ROBO2: variants seen among roughly 807,000 people sequenced by gnomAD.
The protein encoded by ROBO2 is roundabout guidance receptor 2.
ROBO2 carries 53 observed loss-of-function variants against 160.8 expected under a neutral mutation model. The observed-to-expected ratio is 0.33, with a 90% CI of 0.26 to 0.41. ROBO2 has a LOEUF of 0.41. Among genes scored for constraint, ROBO2 ranks in the 10% least tolerant of loss-of-function variants. ROBO2 has a pLI of 1.00. For missense variants in ROBO2, 1,577 were observed against 1,722.4 expected (o/e 0.92, Z 1.49); for synonymous variants, 664 against 611.7 (o/e 1.09, Z -1.26).
intron 23 of ROBO2, among the ~76,000 whole-genome samples, chr3:77,623,781 CA>C (rs1457498537): frequency 6.6e-6 from 1 of 152,106 alleles, no homozygotes; most frequent in Non-Finnish European, 1.5e-5. Flanking sequence ...CATATTTTTG[CA>C]TATTTCACTA....
intron 2 of ROBO2, among the ~76,000 whole-genome samples, chr3:77,173,765 T>G (rs2079866219): frequency 6.6e-6 from 1 of 152,128 alleles, no homozygotes; most frequent in South Asian, 2.1e-4. Flanking sequence ...ATCTTGTTTC[T>G]GAAAATGTTA....
At chr3:76,949,356 C>T (rs1426531931) in intron 2 of ROBO2, among the ~76,000 whole-genome samples, 3 of 152,122 alleles carry the variant, frequency 2.0e-5, no homozygotes, top group Non-Finnish European at 4.4e-5. Flanking sequence ...CCCATGCGGA[C>T]TGTGTCAACA....
At chr3:76,603,754 G>A (rs2108990059) in intron 2 of ROBO2, among the ~76,000 whole-genome samples, 1 of 152,144 alleles carries the variant, frequency 6.6e-6, no homozygotes, top group South Asian at 2.1e-4. Context: ...CATGTCTAGA[G>A]AGGAATAACA....
intron 1 of ROBO2, among the ~76,000 whole-genome samples, chr3:77,079,532 G>C (rs1313762478): frequency 6.6e-6 from 1 of 152,164 alleles, no homozygotes; most frequent in Non-Finnish European, 1.5e-5. Context: ...AAACTTTTAA[G>C]TATAATCAAG....
chr3:76,697,746 C>T (rs1181658929), intron 2 of ROBO2, among the ~76,000 whole-genome samples: 2 of 151,846 alleles, frequency 1.3e-5, no homozygotes, highest in East Asian at 1.9e-4. Flanking sequence ...TCTTTTTTGC[C>T]TACAAAATGT....
chr3:76,647,401 A>C (rs2091027215), intron 2 of ROBO2, among the ~76,000 whole-genome samples: 1 of 152,310 alleles, frequency 6.6e-6, no homozygotes, highest in South Asian at 2.1e-4. Flanking sequence ...GGAGAGGACA[A>C]AGCAGAAACG....
At chr3:77,079,178 C>T (rs775280352) in intron 1 of ROBO2, among the ~76,000 whole-genome samples, 2 of 152,142 alleles carry the variant, frequency 1.3e-5, no homozygotes, top group Non-Finnish European at 2.9e-5. Context: ...AACTCCTGAC[C>T]TCAGGTGATC....
intron 2 of ROBO2, among the ~76,000 whole-genome samples, chr3:76,815,812 C>T (rs1241631745): frequency 6.6e-6 from 1 of 152,022 alleles, no homozygotes; most frequent in Admixed American, 6.6e-5. Context: ...GTCCATTGTT[C>T]CCTTTCCTCA....
At chr3:76,664,624 A>T (rs1163215649) in intron 2 of ROBO2, among the ~76,000 whole-genome samples, 3 of 152,180 alleles carry the variant, frequency 2.0e-5, no homozygotes, top group African/African-American at 7.2e-5. Context: ...TAAGAATTTT[A>T]AAAAGCTATG....
intron 2 of ROBO2, among the ~76,000 whole-genome samples, chr3:75,998,835 C>T (rs747347500): frequency 1.3e-4 from 20 of 152,232 alleles, no homozygotes; most frequent in Non-Finnish European, 5.9e-5. Context: ...AATGAATTCT[C>T]TCTTAGCCTC....
At chr3:77,365,815 C>T (rs1033839672) in intron 2 of ROBO2, among the ~76,000 whole-genome samples, 2 of 151,254 alleles carry the variant, frequency 1.3e-5, no homozygotes, top group Non-Finnish European at 2.9e-5. Context: ...CTAACCAACC[C>T]GATGAAATGC....
chr3:77,001,268 G>A (rs2061323899), intron 2 of ROBO2, among the ~76,000 whole-genome samples: 2 of 152,178 alleles, frequency 1.3e-5, no homozygotes, highest in African/African-American at 4.8e-5. Flanking sequence ...GCTAATGCCA[G>A]TAGTATCAGA....
At chr3:76,774,572 C>T (rs532387618) in intron 2 of ROBO2, among the ~76,000 whole-genome samples, 1 of 150,870 alleles carries the variant, frequency 6.6e-6, no homozygotes, top group African/African-American at 2.4e-5. Context: ...AAATGTTGCT[C>T]CTTAAAAAGG....
chr3:76,757,060 G>A (rs543709276), intron 2 of ROBO2, among the ~76,000 whole-genome samples: 1 of 151,890 alleles, frequency 6.6e-6, no homozygotes, highest in East Asian at 2.0e-4. Flanking sequence ...TTTTTATAGT[G>A]CTTTGGATTT....
intron 2 of ROBO2, among the ~76,000 whole-genome samples, chr3:76,630,869 T>G (rs996390520): frequency 6.6e-6 from 1 of 152,158 alleles, no homozygotes; most frequent in Admixed American, 6.5e-5. Flanking sequence ...AATCCTAAAA[T>G]TAAATTCAGT....
intron 2 of ROBO2, among the ~76,000 whole-genome samples, chr3:76,048,553 T>C (rs2067528960): frequency 6.6e-6 from 1 of 152,194 alleles, no homozygotes; most frequent in African/African-American, 2.4e-5. Context: ...TGATAATTTA[T>C]ACATGGGAAT....
intron 5 of ROBO2, among the ~76,000 whole-genome samples, chr3:77,504,943 T>C (rs56153027): frequency 0.12 from 18,691 of 152,218 alleles, 1,189 homozygotes; most frequent in East Asian, 0.21. Flanking sequence ...GGAATAGCAA[T>C]GGCTATTTCA....
At chr3:76,957,406 A>G (rs2079348756) in intron 2 of ROBO2, among the ~76,000 whole-genome samples, 1 of 152,114 alleles carries the variant, frequency 6.6e-6, no homozygotes, top group Non-Finnish European at 1.5e-5. Flanking sequence ...AGGACTTGGA[A>G]TATTTCTTTA....
chr3:76,970,263 C>T (rs1357686936), intron 2 of ROBO2, among the ~76,000 whole-genome samples: 2 of 152,164 alleles, frequency 1.3e-5, no homozygotes, highest in African/African-American at 4.8e-5. Flanking sequence ...CTACCTCTAC[C>T]ATTTCCTTTA....
Sources: gnomAD v4.1 joint callset for allele counts (sites outside exome capture counted in the v4.1 genomes callset) on GRCh38, gnomAD v4.1.1 for gene constraint, MANE v1.5 for transcripts, NCBI Gene and HGNC (gene_info 2026-07-23, HGNC 2026-07-21) for gene names.